RABL6: variants seen among roughly 807,000 people sequenced by gnomAD.
RABL6 encodes rab-like protein 6.
Under a neutral mutation model 72.9 loss-of-function variants are expected in RABL6, and 28 were observed. The ratio of observed to expected loss-of-function variants is 0.38; its 90% CI spans 0.28 to 0.53. The LOEUF is 0.53. Ranked by LOEUF, RABL6 falls within the 20% of genes least tolerant of loss-of-function variation. The pLI is 0.80. For missense variants in RABL6, 1,029 were observed against 1,008.4 expected (o/e 1.02, Z -0.28); for synonymous variants, 477 against 421.2 (o/e 1.13, Z -1.62).
chr9:136,840,665 G>C lies in RABL6; in HGVS notation c.*143G>C. 1 of 1,549,452 alleles carries C rather than the reference G, an allele frequency of 6.5e-7. No homozygotes were observed. The highest frequency in any genetic ancestry group is 8.7e-7 in the Non-Finnish European group (1 of 1,146,838). ...AGCTGGAAGAGGCCGGGCATTGGTG[G>C]TCCCCAGGCTGGGCCCTGCAGGTGC... On this transcript the variant is annotated 3_prime_UTR_variant, in exon 15 of 15. Transcript: ENST00000311502.
chr9:136,817,559 G>A (rs962107413), intron 1 of RABL6, among the ~76,000 whole-genome samples: 1 of 115,668 alleles, frequency 8.6e-6, no homozygotes, highest in Non-Finnish European at 1.9e-5. Context: ...GCTGAGGGGA[G>A]GCCGACGTGG....
At chr9:136,831,918 G>A (rs1323503908) in intron 6 of RABL6, 57 bp downstream of exon 6, 34 of 1,541,856 alleles carry the variant, frequency 2.2e-5, no homozygotes, top group Non-Finnish European at 2.8e-5. Context: ...GTGTGCGGGG[G>A]AGGGTGCTGA....
In RABL6 at chr9:136,808,105, C is replaced by G; in HGVS notation, c.-92C>G. 7.7e-7 allele frequency: 1 copy of G among 1,298,570 alleles called. No individual in the cohort carries two copies. Among genetic ancestry groups the G allele is most frequent in the Non-Finnish European group, 9.9e-7 (1 of 1,011,408 alleles). 80.4% of individuals were successfully genotyped at this position (1,298,570 alleles called of 1,614,324 possible). A position where few individuals can be genotyped will look rare whatever the true frequency, so the allele number is the denominator to read the frequency against. The stretch of plus-strand genomic sequence containing the variant: ...CGCCGGCTCCGGCCTCCGGGGGGGC[C>G]GGGGCCGCCGGGACATGGTGCCAGT... On this transcript the variant is annotated 5_prime_UTR_variant, in exon 1 of 15. Transcript: ENST00000311502.
At chr9:136,828,386 G>C in intron 3 of RABL6, 108 bp from the exon 4 acceptor site, 2 of 1,126,790 alleles carry the variant, frequency 1.8e-6, no homozygotes, top group Non-Finnish European at 2.6e-6. Flanking sequence ...TGGTGGAGTA[G>C]AGCACCCGCT....
At chr9:136,830,443 C>T (rs533076392) in intron 5 of RABL6, among the ~76,000 whole-genome samples, 44 of 152,374 alleles carry the variant, frequency 2.9e-4, no homozygotes, top group African/African-American at 8.9e-4. Flanking sequence ...GGAGAGCCCT[C>T]GGTGGGGGTG....
chr9:136,835,653 G>C, intron 7 of RABL6, 89 bp from the exon 8 acceptor site: 1 of 1,184,274 alleles, frequency 8.4e-7, no homozygotes, highest in Non-Finnish European at 1.2e-6. Flanking sequence ...GGCAGCAGGA[G>C]GCGTCCCCTG....
chr9:136,811,708 G>C (rs1485235607), intron 1 of RABL6, among the ~76,000 whole-genome samples: 2 of 152,050 alleles, frequency 1.3e-5, no homozygotes, highest in African/African-American at 4.8e-5. Context: ...GCCCAGCTGG[G>C]CTCAGACCCC....
chr9:136,820,001 G>A (rs999785173), intron 1 of RABL6, among the ~76,000 whole-genome samples: 4 of 152,080 alleles, frequency 2.6e-5, no homozygotes, highest in African/African-American at 9.7e-5. Flanking sequence ...TCAGGAGTTT[G>A]AGACCAGCCC....
At position 136,828,500 on chromosome 9, in the gene RABL6, G is replaced by T; in HGVS notation, c.320G>T (p.Cys107Phe). 1 of 1,613,160 alleles carries T rather than the reference G, an allele frequency of 6.2e-7. No individual in the cohort carries two copies. Among genetic ancestry groups the T allele is most frequent in the Non-Finnish European group, 8.5e-7 (1 of 1,179,778 alleles). ...TTGTTTGTTTTTAAATAAGGAAAAT[G>T]CAAAAAGCGAGGCGACGGCTTAAAG... is the stretch of plus-strand genomic sequence containing the variant. ...EVWDVVDKGKCKKRGDGLKME... is the reference protein window; with the variant it reads ...EVWDVVDKGKFKKRGDGLKME... Residue 107 changes from cysteine (C) to phenylalanine (F), a missense_variant, in exon 4 of 15, where the codon TGC becomes TTC. By Grantham distance (205) the Cys-to-Phe change is radical. Around this residue, in one of 2 missense-constraint regions of RABL6, gnomAD observed 434 missense variants for 536.1 expected, o/e 0.81. Transcript: ENST00000311502.
At chr9:136,834,535 G>A (rs1848548532) in intron 7 of RABL6, 1 of 904,476 alleles carries the variant, frequency 1.1e-6, no homozygotes, top group African/African-American at 1.8e-5. Flanking sequence ...CTGGAGTACG[G>A]TGGTGCAATC....
In RABL6 at chr9:136,823,542, G is replaced by A; in HGVS notation, c.148G>A (p.Gly50Arg). 1 of 1,613,804 alleles carries A rather than the reference G, an allele frequency of 6.2e-7. No homozygotes were observed. Among genetic ancestry groups the A allele is most frequent in the Non-Finnish European group, 8.5e-7 (1 of 1,179,866 alleles). ...VQYNMKIVIR[G>R]DRNTGKTALW... ...GTCCCCAGTGAAGATAGTGATCCGG[G>A]GAGACAGGAACACGGGCAAGACAGC... The change falls in exon 2 of 15, where the codon GGA becomes AGA. Residue 50 changes from glycine to arginine, a missense_variant. Coordinates refer to ENST00000311502, the MANE Select transcript of RABL6 (RefSeq NM_024718.5).
chr9:136,819,496 A>G (rs988961115), intron 1 of RABL6, among the ~76,000 whole-genome samples: 16 of 152,108 alleles, frequency 1.1e-4, no homozygotes, highest in African/African-American at 3.6e-4. Flanking sequence ...AGATTCGAGG[A>G]ATTTTTTTTT....
rs1014502449 is a variant in RABL6 at position 136,840,488 on chromosome 9, G to A, written c.2156G>A (p.Arg719His). The stretch of plus-strand genomic sequence containing the variant: ...CTGGGGGGCGGGGCCCCGGGCGGCC[G>A]CCACCCTGGGGGTGGCGACTACGAG... ...AFLGGGAPGGRHPGGGDYEEL is the reference protein window; with the variant it reads ...AFLGGGAPGGHHPGGGDYEEL Residue 719 changes from arginine to histidine, a missense_variant, in exon 15 of 15, where the codon CGC becomes CAC. Coordinates refer to ENST00000311502, the MANE Select transcript of RABL6 (RefSeq NM_024718.5). 56 of 1,524,178 alleles carry A rather than the reference G, an allele frequency of 3.7e-5. No homozygotes were observed. Among genetic ancestry groups the A allele is most frequent in the Middle Eastern group, 4.3e-4 (2 of 4,624 alleles). 94.4% of individuals were successfully genotyped at this position (1,524,178 alleles called of 1,614,324 possible).
chr9:136,838,980 C>G lies in RABL6; in HGVS notation c.1352C>G (p.Pro451Arg). ...FQDDVDLEDQ[P>R]RGSPPLPAGP... ...GACGATGTGGACCTCGAAGACCAGC[C>G]ACGTGGGAGTCCCCCGCTGCCTGCA... Residue 451 changes from proline to arginine, a missense_variant, in exon 11 of 15, where the codon CCA (proline) becomes CGA (arginine). Coordinates refer to ENST00000311502, the MANE Select transcript of RABL6 (RefSeq NM_024718.5). The G allele has an allele frequency of 6.2e-7, 1 of 1,611,748 alleles. No individual in the cohort carries two copies. Among genetic ancestry groups the G allele is most frequent in the South Asian group, 1.1e-5 (1 of 90,960 alleles).
At position 136,829,500 on chromosome 9, in the gene RABL6, C is replaced by CA. The variant is rs751102844; in HGVS notation, c.458+16_458+17insA. On this transcript the variant is annotated intron_variant, in intron 5 of 14. Coordinates refer to ENST00000311502, the MANE Select transcript of RABL6 (RefSeq NM_024718.5). The stretch of plus-strand genomic sequence containing the variant: ...CCAAGCAGTGGTAAGAGGGAGCTGG[C>CA]GGGGGCAGCTGCCTGTGACTCTCAC... The CA allele has an allele frequency of 7.8e-5, 122 of 1,561,652 alleles. No individual in the cohort carries two copies. The highest frequency in any genetic ancestry group is 1.0e-4 in the Non-Finnish European group (115 of 1,152,562).
chr9:136,808,890 A>T (rs1306008963), intron 1 of RABL6: 1 of 152,176 alleles, frequency 6.6e-6, no homozygotes, highest in Non-Finnish European at 1.5e-5. Context: ...AAAGCTCCAG[A>T]AGGCACGGGC....
intron 7 of RABL6, chr9:136,832,598 C>T (rs903656578): frequency 1.3e-5 from 8 of 597,618 alleles, no homozygotes; most frequent in South Asian, 1.9e-5. Flanking sequence ...TCCACCTCTG[C>T]GGGGACCCCT....
intron 1 of RABL6, chr9:136,812,907 C>T (rs1848043100): frequency 5.7e-6 from 2 of 351,792 alleles, no homozygotes; most frequent in Non-Finnish European, 1.1e-5. Context: ...CCTCTACCTC[C>T]ATCACAACCC....
At position 136,839,295 on chromosome 9, in the gene RABL6, G is replaced by A. The variant is rs188586555; in HGVS notation, c.1567G>A (p.Gly523Ser). 7,606 of 1,611,494 alleles carry A rather than the reference G, an allele frequency of 4.7e-3. 60 individuals carry two copies. Among genetic ancestry groups the A allele is most frequent in the South Asian group, 0.012 (1,120 of 90,866 alleles). Residue 523 changes from glycine to serine, a missense_variant, in exon 12 of 15, where the codon GGT becomes AGT. Physicochemically the swap from Gly to Ser is moderately conservative, Grantham distance 56. Around this residue, in one of 2 missense-constraint regions of RABL6, gnomAD observed 595 missense variants for 472.4 expected, o/e 1.26. Coordinates refer to ENST00000311502, the MANE Select transcript of RABL6 (RefSeq NM_024718.5). ...TRTAAPPWPGGVSVRTGPEKR... is the reference protein window; with the variant it reads ...TRTAAPPWPGSVSVRTGPEKR... ...GACCGCAGCACCCCCCTGGCCAGGC[G>A]GTGTCTCTGTTCGCACAGGTCCGGA...
Sources: gnomAD v4.1 joint callset for allele counts (sites outside exome capture counted in the v4.1 genomes callset) on GRCh38, gnomAD v4.1.1 for gene constraint, gnomAD v4.1.1 regional missense constraint, MANE v1.5 for transcripts, NCBI Gene and HGNC (gene_info 2026-07-23, HGNC 2026-07-21) for gene names.